Variants in TNRC6C observed in about 807,000 individuals in gnomAD.
TNRC6C encodes trinucleotide repeat containing adaptor 6C.
A neutral mutation model predicts 153.7 loss-of-function variants in TNRC6C; 20 were observed. That is an observed-to-expected ratio of 0.13 (90% confidence interval 0.09 to 0.19). TNRC6C has a LOEUF of 0.19. Among genes scored for constraint, TNRC6C ranks in the 10% least tolerant of loss-of-function variants. TNRC6C has a pLI of 1.00. For missense variants in TNRC6C, 1,987 were observed against 2,172.0 expected (o/e 0.91, Z 1.69); for synonymous variants, 811 against 841.4 (o/e 0.96, Z 0.63).
intron 10 of TNRC6C, among the ~76,000 whole-genome samples, chr17:78,082,171 T>G (rs1312958056): frequency 6.7e-6 from 1 of 149,080 alleles, no homozygotes; most frequent in Non-Finnish European, 1.5e-5. Flanking sequence ...ACACACGAGA[T>G]AGTGAAAGCT....
chr17:78,082,875 A>G (rs932067108), intron 10 of TNRC6C, among the ~76,000 whole-genome samples, 172 bp from the exon 13 acceptor site: 2 of 152,192 alleles, frequency 1.3e-5, no homozygotes, highest in Non-Finnish European at 2.9e-5. Context: ...CCTGCATGCA[A>G]TTTTGTATTT....
intron 14 of TNRC6C, among the ~76,000 whole-genome samples, chr17:78,092,325 C>A (rs1266905354): frequency 1.3e-5 from 2 of 152,154 alleles, no homozygotes; most frequent in Non-Finnish European, 2.9e-5. Context: ...GCTCTGCTGC[C>A]TGTAGCTGGT....
At chr17:78,094,307 T>G (rs560230063) in intron 16 of TNRC6C, among the ~76,000 whole-genome samples, 1 of 152,288 alleles carries the variant, frequency 6.6e-6, no homozygotes, top group South Asian at 2.1e-4. Context: ...CATGCTATTT[T>G]GTGGAAGGAA....
intron 3 of TNRC6C, among the ~76,000 whole-genome samples, chr17:78,063,266 A>AT: frequency 2.0e-5 from 3 of 148,026 alleles, no homozygotes; most frequent in Non-Finnish European, 4.5e-5. Context: ...TATATATATA[A>AT]ATAATATATA....
exon 2 of TNRC6C, chr17:78,031,835 C>T: frequency 8.1e-7 from 1 of 1,232,180 alleles, no homozygotes; most frequent in East Asian, 3.2e-5. Context: ...CCAGTAAGCT[C>T]CAACCAGGTA....
chr17:78,084,495 AGGAG>A (rs2073242027), intron 11 of TNRC6C, among the ~76,000 whole-genome samples: 4 of 152,142 alleles, frequency 2.6e-5, no homozygotes, highest in Admixed American at 6.6e-5. Flanking sequence ...GATAGAAGGA[AGGAG>A]GGAAGGACGT....
At chr17:78,046,203 A>G (rs1181018264) in intron 2 of TNRC6C, among the ~76,000 whole-genome samples, 1 of 142,940 alleles carries the variant, frequency 7.0e-6, no homozygotes, top group African/African-American at 2.6e-5. Flanking sequence ...TTTTTTTGAG[A>G]TGGAGTCTCA....
intron 1 of TNRC6C, among the ~76,000 whole-genome samples, chr17:77,962,300 A>G (rs1002003922): frequency 6.6e-6 from 1 of 152,184 alleles, no homozygotes; most frequent in African/African-American, 2.4e-5. Flanking sequence ...CCCAATAGGA[A>G]TTGGAGCATT....
At chr17:77,972,717 A>C (rs1421383039) in intron 1 of TNRC6C, among the ~76,000 whole-genome samples, 2 of 152,164 alleles carry the variant, frequency 1.3e-5, no homozygotes, top group African/African-American at 4.8e-5. Flanking sequence ...AGTAATTTAA[A>C]ATCTTCTCAC....
chr17:78,009,689 G>C (rs1348857187), intron 1 of TNRC6C, among the ~76,000 whole-genome samples: 2 of 151,860 alleles, frequency 1.3e-5, no homozygotes, highest in African/African-American at 4.8e-5. Flanking sequence ...AGAGTAGCTG[G>C]GACTACAGGT....
chr17:78,087,398 G>A (rs1443757590), intron 13 of TNRC6C, among the ~76,000 whole-genome samples: 1 of 152,136 alleles, frequency 6.6e-6, no homozygotes, highest in Non-Finnish European at 1.5e-5. Context: ...GTTTATAGGT[G>A]TGAGCCACCA....
intron 1 of TNRC6C, among the ~76,000 whole-genome samples, chr17:77,994,603 G>A (rs756337458): frequency 6.6e-6 from 1 of 152,178 alleles, no homozygotes; most frequent in African/African-American, 2.4e-5. Context: ...CCCAGGCTCC[G>A]TTTCATCACT....
intron 10 of TNRC6C, among the ~76,000 whole-genome samples, chr17:78,081,544 A>T (rs56194158): frequency 4.6e-5 from 7 of 152,100 alleles, no homozygotes; most frequent in African/African-American, 1.7e-4. Flanking sequence ...CTCAAAAAAC[A>T]GTAGCTTAAA....
chr17:78,017,958 T>C (rs1172581925), intron 1 of TNRC6C, among the ~76,000 whole-genome samples: 1 of 152,216 alleles, frequency 6.6e-6, no homozygotes, highest in East Asian at 1.9e-4. Context: ...TCTGAATCCC[T>C]AAATTAGGTT....
At chr17:78,035,736 G>C (rs2072165893) in intron 2 of TNRC6C, among the ~76,000 whole-genome samples, 1 of 152,164 alleles carries the variant, frequency 6.6e-6, no homozygotes, top group African/African-American at 2.4e-5. Context: ...AGTTTCACTT[G>C]TCCTTCCTAG....
chr17:77,974,330 C>G (rs1335051754), intron 1 of TNRC6C, among the ~76,000 whole-genome samples: 4 of 152,120 alleles, frequency 2.6e-5, no homozygotes, highest in Non-Finnish European at 5.9e-5. Context: ...TTCAAATTTT[C>G]CATTTTTCCT....
upstream of TNRC6C, among the ~76,000 whole-genome samples, chr17:78,000,899 G>A (rs1230181373): frequency 1.3e-5 from 2 of 152,116 alleles, no homozygotes; most frequent in Non-Finnish European, 2.9e-5. Context: ...GCATGAAGTG[G>A]CTGGATTCTC....
chr17:77,982,944 A>G (rs1364799946), intron 1 of TNRC6C, among the ~76,000 whole-genome samples: 2 of 152,222 alleles, frequency 1.3e-5, no homozygotes, highest in Non-Finnish European at 2.9e-5. Flanking sequence ...GTAATGAAAA[A>G]TGAGTCAATC....
intron 11 of TNRC6C, 101 bp from the exon 14 acceptor site, chr17:78,086,402 G>C (rs1415520879): frequency 5.0e-6 from 5 of 991,840 alleles, no homozygotes; most frequent in Non-Finnish European, 3.0e-6. Context: ...AGAGTGGCTA[G>C]GTTCTCTTTT....
Sources: allele counts gnomAD v4.1 joint callset (sites outside exome capture counted in the v4.1 genomes callset), GRCh38; gene constraint gnomAD v4.1.1; transcripts MANE v1.5; gene names NCBI Gene and HGNC (gene_info 2026-07-23, HGNC 2026-07-21).